The following FBXL17 variants were observed in gnomAD, a reference collection of about 807,000 sequenced individuals.
The protein encoded by FBXL17 is F-box and leucine rich repeat protein 17.
FBXL17 carries 22 observed loss-of-function variants against 66.2 expected under a neutral mutation model. That is an observed-to-expected ratio of 0.33 (90% CI 0.24 to 0.47). FBXL17 has a LOEUF of 0.47. Ranked by LOEUF, FBXL17 falls within the 20% of genes least tolerant of loss-of-function variation. The pLI is 1.00. For synonymous variants in FBXL17, 474 were observed against 400.5 expected (o/e 1.18, Z -2.19); for missense variants, 878 against 948.2 (o/e 0.93, Z 0.97).
intron 7 of FBXL17, among the ~76,000 whole-genome samples, chr5:107,896,604 A>G (rs1749391672): frequency 6.6e-6 from 1 of 152,162 alleles, no homozygotes; most frequent in Non-Finnish European, 1.5e-5. Flanking sequence ...AATACTGTAA[A>G]CCAGGAATAA....
intron 6 of FBXL17, among the ~76,000 whole-genome samples, chr5:108,138,850 A>G (rs748801519): frequency 6.6e-6 from 1 of 152,352 alleles, no homozygotes; most frequent in East Asian, 1.9e-4. Flanking sequence ...AGAGGCATAA[A>G]GAGGAGATCA....
chr5:108,242,223 G>A (rs1328769732), intron 4 of FBXL17, among the ~76,000 whole-genome samples: 1 of 152,106 alleles, frequency 6.6e-6, no homozygotes, highest in African/African-American at 2.4e-5. Flanking sequence ...AACTTTTCAA[G>A]ATATAGATAG....
intron 7 of FBXL17, among the ~76,000 whole-genome samples, chr5:107,946,512 G>A (rs1456786141): frequency 6.7e-6 from 1 of 149,380 alleles, no homozygotes; most frequent in East Asian, 2.0e-4. Context: ...TCAAACTGTT[G>A]ACCAGGCTGG....
chr5:107,919,465 C>T (rs1464897781), intron 7 of FBXL17, among the ~76,000 whole-genome samples: 2 of 152,186 alleles, frequency 1.3e-5, no homozygotes, highest in Non-Finnish European at 2.9e-5. Flanking sequence ...GCTCAGGTCC[C>T]TCCTCTGCTC....
At chr5:108,317,481 T>C (rs1043358594) in intron 4 of FBXL17, among the ~76,000 whole-genome samples, 6 of 151,186 alleles carry the variant, frequency 4.0e-5, no homozygotes, top group Non-Finnish European at 7.4e-5. Flanking sequence ...CTGAAAAATA[T>C]GTACAACTAC....
intron 6 of FBXL17, among the ~76,000 whole-genome samples, chr5:108,036,428 G>A (rs1746843676): frequency 6.6e-6 from 1 of 152,130 alleles, no homozygotes; most frequent in South Asian, 2.1e-4. Flanking sequence ...CTCCAGTCCT[G>A]AGCATTCCCT....
At chr5:107,920,675 A>G (rs1326849657) in intron 7 of FBXL17, among the ~76,000 whole-genome samples, 2 of 152,212 alleles carry the variant, frequency 1.3e-5, no homozygotes, top group African/African-American at 2.4e-5. Context: ...AGAAAATTGA[A>G]TGACTTCTGT....
At chr5:108,290,777 CTT>C (rs993433408) in intron 4 of FBXL17, among the ~76,000 whole-genome samples, 11 of 151,838 alleles carry the variant, frequency 7.2e-5, no homozygotes, top group African/African-American at 2.7e-4. Flanking sequence ...GGATCTATTC[CTT>C]GGTATTTTGG....
At chr5:108,081,102 C>T (rs952585014) in intron 6 of FBXL17, among the ~76,000 whole-genome samples, 1 of 152,112 alleles carries the variant, frequency 6.6e-6, no homozygotes. Context: ...ACTGACTCTA[C>T]ACTAGAGTCA....
At chr5:108,348,596 T>A (rs1747431230) in intron 3 of FBXL17, 66 bp from the exon 4 acceptor site, 1 of 1,517,734 alleles carries the variant, frequency 6.6e-7, no homozygotes. Context: ...CAAGTGAGAT[T>A]TTCATATAAT....
intron 7 of FBXL17, among the ~76,000 whole-genome samples, chr5:107,959,591 C>T (rs1751815692): frequency 6.6e-6 from 1 of 152,064 alleles, no homozygotes; most frequent in African/African-American, 2.4e-5. Flanking sequence ...GCATGCTAAC[C>T]ACCACATCTT....
intron 1 of FBXL17, among the ~76,000 whole-genome samples, chr5:108,378,082 G>C (rs1242005306): frequency 6.6e-6 from 1 of 152,122 alleles, no homozygotes; most frequent in Non-Finnish European, 1.5e-5. Flanking sequence ...ACTTGTTAAA[G>C]AAACTATTAT....
intron 7 of FBXL17, among the ~76,000 whole-genome samples, chr5:107,903,427 C>T (rs748602862): frequency 1.4e-4 from 21 of 152,238 alleles, no homozygotes; most frequent in East Asian, 3.9e-4. Flanking sequence ...GTAAGCCACA[C>T]GGAAATGCTG....
At chr5:108,270,769 AGTTAT>A (rs1202157020) in intron 4 of FBXL17, among the ~76,000 whole-genome samples, 4 of 152,272 alleles carry the variant, frequency 2.6e-5, no homozygotes, top group African/African-American at 7.2e-5. Context: ...GAAGGGGGAC[AGTTAT>A]GTTAACAGTT....
intron 6 of FBXL17, among the ~76,000 whole-genome samples, chr5:108,064,946 A>G (rs961208870): frequency 1.3e-5 from 2 of 152,048 alleles, no homozygotes; most frequent in African/African-American, 4.8e-5. Context: ...TTTAATTTTA[A>G]TATTAGATAT....
At chr5:108,296,384 G>A (rs113678374) in intron 4 of FBXL17, among the ~76,000 whole-genome samples, 194 of 151,880 alleles carry the variant, frequency 1.3e-3, no homozygotes, top group African/African-American at 4.6e-3. Flanking sequence ...AATATAAAAT[G>A]CCAATTTAGT....
chr5:107,910,858 T>C (rs1018186774), intron 7 of FBXL17, among the ~76,000 whole-genome samples: 19 of 151,982 alleles, frequency 1.3e-4, no homozygotes, highest in Admixed American at 2.0e-4. Flanking sequence ...AATAGCTTTG[T>C]TGAAAAAAGT....
intron 5 of FBXL17, among the ~76,000 whole-genome samples, chr5:108,206,219 TTC>T (rs1754111887): frequency 1.3e-5 from 2 of 152,178 alleles, no homozygotes; most frequent in Admixed American, 1.3e-4. Flanking sequence ...CAGAAGAACT[TTC>T]CCTTATGAAT....
chr5:108,181,229 A>G (rs981571104), intron 6 of FBXL17, among the ~76,000 whole-genome samples: 16 of 152,204 alleles, frequency 1.1e-4, no homozygotes, highest in African/African-American at 3.9e-4. Context: ...AAATACAAAA[A>G]AATTTCAATA....
Sources: gnomAD v4.1 joint callset for allele counts (sites outside exome capture counted in the v4.1 genomes callset) on GRCh38, gnomAD v4.1.1 for gene constraint, MANE v1.5 for transcripts, NCBI Gene and HGNC (gene_info 2026-07-23, HGNC 2026-07-21) for gene names.